RPN1: variants seen among roughly 807,000 people sequenced by gnomAD.
RPN1 encodes the protein ribophorin I.
Under a neutral mutation model 55.5 loss-of-function variants are expected in RPN1, and 12 were observed. That is an observed-to-expected ratio of 0.22 (90% CI 0.14 to 0.35). RPN1 has a LOEUF of 0.35. Among genes scored for constraint, RPN1 ranks in the 10% least tolerant of loss-of-function variants. The pLI, the probability that RPN1 is intolerant of heterozygous loss-of-function variation, is 1.00. For missense variants in RPN1, 679 were observed against 761.3 expected (o/e 0.89, Z 1.27); for synonymous variants, 317 against 305.9 (o/e 1.04, Z -0.38).
intron 9 of RPN1, among the ~76,000 whole-genome samples, 167 bp from the exon 10 acceptor site, chr3:128,620,760 T>C (rs1045240944): frequency 1.3e-5 from 2 of 152,180 alleles, no homozygotes; most frequent in African/African-American, 2.4e-5. Flanking sequence ...TGGAGGAAGA[T>C]AGGCCTGGCT....
At chr3:128,637,521 T>G (rs117536042) in intron 3 of RPN1, among the ~76,000 whole-genome samples, 1,538 of 152,200 alleles carry the variant, frequency 0.01, 64 homozygotes, top group Admixed American at 0.07. Context: ...CTCAAAGCCT[T>G]TGTCCCTCTT....
chr3:128,639,694 T>C (rs2069710739), intron 2 of RPN1, among the ~76,000 whole-genome samples: 1 of 151,854 alleles, frequency 6.6e-6, no homozygotes, highest in South Asian at 2.1e-4. Flanking sequence ...TTCAAGTGAT[T>C]CTCCTACCTG....
intron 4 of RPN1, among the ~76,000 whole-genome samples, chr3:128,631,601 G>A (rs1036249288): frequency 3.0e-4 from 45 of 152,112 alleles, no homozygotes; most frequent in Non-Finnish European, 5.3e-4. Context: ...AATTAGCCAG[G>A]TGTAGTGGTG....
chr3:128,646,217 C>T (rs1348462181), intron 1 of RPN1, among the ~76,000 whole-genome samples: 12 of 121,136 alleles, frequency 9.9e-5, no homozygotes, highest in African/African-American at 2.4e-4. Context: ...AGTGAGACTC[C>T]GTCTCAAAAA....
chr3:128,638,431 T>C (rs1346619537), intron 2 of RPN1, among the ~76,000 whole-genome samples: 1 of 152,168 alleles, frequency 6.6e-6, no homozygotes, highest in African/African-American at 2.4e-5. Context: ...TTGCTATTTA[T>C]AAACAGCCCT....
intron 3 of RPN1, among the ~76,000 whole-genome samples, chr3:128,633,155 A>T (rs1280263948): frequency 6.6e-6 from 1 of 152,192 alleles, no homozygotes; most frequent in Non-Finnish European, 1.5e-5. Flanking sequence ...CACACACTGG[A>T]ATCCTAAAAA....
chr3:128,637,311 C>T (rs182855002), intron 3 of RPN1, among the ~76,000 whole-genome samples: 10 of 152,160 alleles, frequency 6.6e-5, no homozygotes, highest in Admixed American at 5.9e-4. Flanking sequence ...ACCTGATAAC[C>T]GCTGAATCTA....
intron 3 of RPN1, among the ~76,000 whole-genome samples, chr3:128,633,135 C>A (rs2107716626): frequency 6.6e-6 from 1 of 152,208 alleles, no homozygotes; most frequent in East Asian, 1.9e-4. Context: ...CATAAGGAAA[C>A]CGGCAGTTTC....
chr3:128,634,938 G>A (rs79348461), intron 3 of RPN1, among the ~76,000 whole-genome samples: 3,888 of 152,232 alleles, frequency 0.026, 77 homozygotes, highest in Non-Finnish European at 0.041. Flanking sequence ...AGCCTGCGTA[G>A]AGGAAAATCA....
At chr3:128,635,684 T>TACACAC (rs1470999891) in intron 3 of RPN1, among the ~76,000 whole-genome samples, 94 of 105,632 alleles carry the variant, frequency 8.9e-4, no homozygotes, top group African/African-American at 1.8e-3. Flanking sequence ...TAGATATCTA[T>TACACAC]AGATATACAC....
At position 128,620,463 on chromosome 3, in the gene RPN1, C is replaced by G. The variant is rs2069551161; in HGVS notation, c.1772G>C (p.Gly591Ala). 5 of 1,614,000 alleles carry G rather than the reference C, an allele frequency of 3.1e-6. No homozygotes were observed. The highest frequency in any genetic ancestry group is 1.1e-5 in the South Asian group (1 of 91,070). ...CTTGGTGACCAGCTCCTGGCGCTTT[C>G]CTGAGATGAGCTTCTCATTCTCAAT... ...TYIENEKLISGKRQELVTKID... is the reference protein window; with the variant it reads ...TYIENEKLISAKRQELVTKID... The change falls in exon 10 of 10, where the codon GGA becomes GCA. Residue 591 changes from glycine (G) to alanine (A), a missense_variant. By Grantham distance (60) the Gly-to-Ala change is moderately conservative. This residue lies in a region of RPN1 where 306 missense variants were observed against 360.0 expected (regional missense o/e 0.85). Coordinates refer to ENST00000296255, the MANE Select transcript of RPN1 (RefSeq NM_002950.4).
chr3:128,622,475 C>A, intron 8 of RPN1, 66 bp from the exon 9 acceptor site: 1 of 1,584,118 alleles, frequency 6.3e-7, no homozygotes, highest in Non-Finnish European at 8.6e-7. Flanking sequence ...CCTTATCTCC[C>A]AAAGAACATC....
At chr3:128,629,090 C>G (rs182594985) in intron 5 of RPN1, among the ~76,000 whole-genome samples, 6 of 151,532 alleles carry the variant, frequency 4.0e-5, no homozygotes, top group Admixed American at 6.6e-5. Flanking sequence ...TACTCAAAGT[C>G]GGGGCAATGA....
At chr3:128,632,690 G>A (rs1481184585) in intron 3 of RPN1, among the ~76,000 whole-genome samples, 1 of 151,902 alleles carries the variant, frequency 6.6e-6, no homozygotes, top group African/African-American at 2.4e-5. Context: ...CGCCTCCTGG[G>A]TTCAAGCGAT....
chr3:128,642,712 T>A (rs7650156), intron 2 of RPN1: 93,616 of 151,784 alleles, frequency 0.62, 28,950 homozygotes, highest in East Asian at 0.77. Flanking sequence ...AAGAAAAGAA[T>A]AGATATACTC....
At chr3:128,621,088 G>A (rs1009958167) in intron 9 of RPN1, among the ~76,000 whole-genome samples, 20 of 152,182 alleles carry the variant, frequency 1.3e-4, no homozygotes, top group South Asian at 1.0e-3. Context: ...TTCAACAAAT[G>A]TTTAGTGAGC....
At chr3:128,633,793 G>C (rs2069658181) in intron 3 of RPN1, among the ~76,000 whole-genome samples, 1 of 152,028 alleles carries the variant, frequency 6.6e-6, no homozygotes, top group Admixed American at 6.6e-5. Context: ...GACCAGCCTG[G>C]CCAATATGGT....
In RPN1 at chr3:128,646,323, G is replaced by A. The variant is rs564575689; in HGVS notation, c.262-1340C>T. Among the ~76,000 whole-genome samples, 170 of 151,454 alleles carry A rather than the reference G, an allele frequency of 1.1e-3. 1 individual carries two copies. The highest frequency in any genetic ancestry group is 2.0e-3 in the Non-Finnish European group (133 of 67,966). The stretch of plus-strand genomic sequence containing the variant: ...TGGTTTCGAACTCTTGGGCTCAAGC[G>A]ATCCTCCCACAGATTACAGGCACGA... On this transcript the variant is annotated intron_variant, in intron 1 of 9. Transcript: ENST00000296255.
intron 2 of RPN1, chr3:128,641,267 A>T (rs1559757373): frequency 6.6e-6 from 1 of 152,220 alleles, no homozygotes; most frequent in Non-Finnish European, 1.5e-5. Flanking sequence ...ATGTATGCAC[A>T]TATAACTAGA....
Sources: gnomAD v4.1 joint callset for allele counts (sites outside exome capture counted in the v4.1 genomes callset) on GRCh38, gnomAD v4.1.1 for gene constraint, gnomAD v4.1.1 regional missense constraint, MANE v1.5 for transcripts, NCBI Gene and HGNC (gene_info 2026-07-23, HGNC 2026-07-21) for gene names.